TMEM38B: variants seen among roughly 807,000 people sequenced by gnomAD.
TMEM38B encodes the protein trimeric intracellular cation channel type B.
TMEM38B carries 24 observed loss-of-function variants against 28.7 expected under a neutral mutation model. That is an observed-to-expected ratio of 0.84 (90% CI 0.61 to 1.18). The LOEUF (loss-of-function observed/expected upper bound fraction) is 1.18, where lower values mean the gene tolerates loss of function less well. TMEM38B is among the 50% of genes most tolerant of loss of function. TMEM38B has a pLI of 0.00. For synonymous variants in TMEM38B, 131 were observed against 127.7 expected (o/e 1.03, Z -0.17); for missense variants, 380 against 350.9 (o/e 1.08, Z -0.66).
chr9:105,727,304 A>T (rs545925043), intron 4 of TMEM38B, among the ~76,000 whole-genome samples: 2 of 151,986 alleles, frequency 1.3e-5, no homozygotes, highest in Admixed American at 1.3e-4. Context: ...CCCATGTGAG[A>T]TCATGCAGTA....
intron 2 of TMEM38B, among the ~76,000 whole-genome samples, chr9:105,720,270 T>G (rs1415081583): frequency 6.6e-6 from 1 of 152,064 alleles, no homozygotes; most frequent in Non-Finnish European, 1.5e-5. Context: ...AGTTTTAGGT[T>G]AGAGGGTAAC....
intron 4 of TMEM38B, among the ~76,000 whole-genome samples, chr9:105,739,602 G>T (rs1018141767): frequency 5.3e-5 from 8 of 152,056 alleles, no homozygotes; most frequent in Non-Finnish European, 8.8e-5. Flanking sequence ...TCAGCTCACT[G>T]CAACCTCTGC....
chr9:105,766,730 C>CT (rs1252473976), intron 5 of TMEM38B, among the ~76,000 whole-genome samples: 2 of 150,850 alleles, frequency 1.3e-5, no homozygotes, highest in Admixed American at 6.6e-5. Flanking sequence ...ATAATTTTTG[C>CT]TTTTTTTTCT....
In TMEM38B at chr9:105,748,152, C is replaced by T; in HGVS notation, c.622C>T (p.Leu208Phe). The change falls in exon 5 of 6, where the codon CTT (leucine) becomes TTT (phenylalanine). Residue 208 changes from leucine (L) to phenylalanine (F), a missense_variant. By Grantham distance (22) the Leu-to-Phe change is conservative. Transcript: ENST00000374692. ...GCATCTGGCAATATCAAAGCATAAT[C>T]TTATGTTCCTTTATACCATCTTTAT... is the stretch of plus-strand genomic sequence containing the variant. ...TQHLAISKHN[L>F]MFLYTIFIVA... is the part of the protein sequence containing the mutation. 6.2e-7 allele frequency: 1 copy of T among 1,613,428 alleles called. No homozygotes were observed. Among genetic ancestry groups the T allele is most frequent in the Non-Finnish European group, 8.5e-7 (1 of 1,179,532 alleles).
At chr9:105,744,198 GA>G (rs933468181) in intron 4 of TMEM38B, among the ~76,000 whole-genome samples, 3 of 151,736 alleles carry the variant, frequency 2.0e-5, no homozygotes, top group Admixed American at 2.0e-4. Flanking sequence ...AAATTAACAA[GA>G]AAAATATAAA....
chr9:105,744,354 A>G (rs1342665745), intron 4 of TMEM38B, among the ~76,000 whole-genome samples: 1 of 152,034 alleles, frequency 6.6e-6, no homozygotes, highest in South Asian at 2.1e-4. Context: ...GGAAGACAAT[A>G]AATGAGTATT....
rs1049757047 is a variant in TMEM38B, at chr9:105,775,596, G to A, written c.*1516G>A. 1 of 151,984 alleles carries A rather than the reference G, an allele frequency of 6.6e-6. No homozygotes were observed. The highest frequency in any genetic ancestry group is 2.4e-5 in the African/African-American group (1 of 41,420). The allele number at this position is 151,984 out of a possible 1,614,324, so 9.4% of individuals were successfully genotyped here. On this transcript the variant is annotated 3_prime_UTR_variant, in exon 6 of 6. Coordinates refer to ENST00000374692, the MANE Select transcript of TMEM38B (RefSeq NM_018112.3). ...GGGGCACTTTTCATAGTCTTGGAAT[G>A]CTAAGAAGTTTTATTTTTAATATTG...
At chr9:105,708,872 C>G (rs1835782577) in intron 2 of TMEM38B, among the ~76,000 whole-genome samples, 1 of 150,510 alleles carries the variant, frequency 6.6e-6, no homozygotes, top group African/African-American at 2.5e-5. Context: ...TTTTATGTTG[C>G]TCTAACTATA....
chr9:105,703,443 G>A (rs1023826861), intron 1 of TMEM38B, among the ~76,000 whole-genome samples: 11 of 152,156 alleles, frequency 7.2e-5, no homozygotes, highest in Admixed American at 2.0e-4. Flanking sequence ...AATCCAGTCT[G>A]TCATTGTTGG....
Position 105,694,741 on chromosome 9 carries a change from A to G in TMEM38B, c.81A>G (p.Leu27=). The G allele has an allele frequency of 6.2e-7, 1 of 1,608,444 alleles. No individual in the cohort carries two copies. The highest frequency in any genetic ancestry group is 8.5e-7 in the Non-Finnish European group (1 of 1,177,336). Residue 27 remains leucine (L), a synonymous_variant, in exon 1 of 6, where the codon CTA becomes CTG. Transcript: ENST00000374692. ...MFPFFDIAHY[L]VSVMAVKRQP... Reference sequence around the variant, plus strand: ...CCTTTTTTGACATCGCGCACTATCTAGTGTCAGTGATGGCGGTGAAACGTC... The same window carrying G: ...CCTTTTTTGACATCGCGCACTATCTGGTGTCAGTGATGGCGGTGAAACGTC...
chr9:105,742,752 A>C (rs1265431698), intron 4 of TMEM38B, among the ~76,000 whole-genome samples: 1 of 152,228 alleles, frequency 6.6e-6, no homozygotes, highest in Non-Finnish European at 1.5e-5. Flanking sequence ...ATAATGAGCC[A>C]CTGTGGTGCA....
At chr9:105,759,324 T>C in intron 5 of TMEM38B, 1 of 960,712 alleles carries the variant, frequency 1.0e-6, no homozygotes, top group South Asian at 1.4e-5. Flanking sequence ...CCTTCACAAT[T>C]TGAATTCCTT....
chr9:105,772,612 T>A (rs188406644), intron 5 of TMEM38B, among the ~76,000 whole-genome samples: 1 of 152,226 alleles, frequency 6.6e-6, no homozygotes, highest in Non-Finnish European at 1.5e-5. Flanking sequence ...AGTCCTGATA[T>A]AAGCTATTTA....
Position 105,759,680 on chromosome 9 carries a change from T to A in TMEM38B, c.660+11490T>A. 2.5e-6 allele frequency: 4 copies of A among 1,599,606 alleles called. No individual in the cohort carries two copies. In the South Asian group the frequency reaches 4.5e-5, roughly 18 times the overall value. Reference sequence around the variant, plus strand: ...AACATAGAAGGACAAAATACTAAACTGTTTTTAGAGTCTAAGCCCAAACAG... The same window carrying A: ...AACATAGAAGGACAAAATACTAAACAGTTTTTAGAGTCTAAGCCCAAACAG... On this transcript the variant is annotated intron_variant, in intron 5 of 5. Coordinates refer to ENST00000374692, the MANE Select transcript of TMEM38B (RefSeq NM_018112.3).
intron 4 of TMEM38B, among the ~76,000 whole-genome samples, chr9:105,745,933 G>A (rs1837374199): frequency 6.6e-6 from 1 of 152,042 alleles, no homozygotes; most frequent in Admixed American, 6.6e-5. Context: ...CTGTTCCATT[G>A]GTCTATATCT....
intron 5 of TMEM38B, among the ~76,000 whole-genome samples, chr9:105,748,711 A>G (rs1837528811): frequency 6.6e-6 from 1 of 152,114 alleles, no homozygotes; most frequent in African/African-American, 2.4e-5. Context: ...AAGCCACTTA[A>G]TGTCTCTGAA....
At chr9:105,765,537 T>G (rs1457265926) in intron 5 of TMEM38B, among the ~76,000 whole-genome samples, 1 of 152,226 alleles carries the variant, frequency 6.6e-6, no homozygotes, top group Non-Finnish European at 1.5e-5. Flanking sequence ...GTATACCATT[T>G]ATCCACTTTA....
intron 4 of TMEM38B, among the ~76,000 whole-genome samples, chr9:105,730,734 A>G (rs1836710532): frequency 6.6e-6 from 1 of 152,142 alleles, no homozygotes; most frequent in Non-Finnish European, 1.5e-5. Flanking sequence ...TTATTGCCTC[A>G]ATTTCAGAGC....
At chr9:105,770,257 T>C (rs989764758) in intron 5 of TMEM38B, among the ~76,000 whole-genome samples, 4 of 152,188 alleles carry the variant, frequency 2.6e-5, no homozygotes, top group African/African-American at 9.6e-5. Flanking sequence ...GCAGGAGATA[T>C]GCTAACTTGA....
Sources: allele counts gnomAD v4.1 joint callset (sites outside exome capture counted in the v4.1 genomes callset), GRCh38; gene constraint gnomAD v4.1.1; transcripts MANE v1.5; gene names NCBI Gene and HGNC (gene_info 2026-07-23, HGNC 2026-07-21).